The following CFAP58 variants were observed in gnomAD, a reference collection of about 807,000 sequenced individuals.
The protein encoded by CFAP58 is cilia and flagella associated protein 58, also known as cilia- and flagella-associated protein 58.
A neutral mutation model predicts 119.5 loss-of-function variants in CFAP58; 88 were observed. That is an observed-to-expected ratio of 0.74 (90% CI 0.62 to 0.88). CFAP58 has a LOEUF of 0.88. CFAP58 is among the 40% of genes least tolerant of loss of function. The pLI is 0.00. For missense variants in CFAP58, 990 were observed against 1,021.2 expected, an observed-to-expected ratio of 0.97 and a Z score of 0.42; for synonymous variants, 365 against 366.3, an observed-to-expected ratio of 1.00 and a Z score of 0.04.
chr10:104,377,003 AT>A, intron 8 of CFAP58, 110 bp downstream of exon 8: 1 of 743,410 alleles, frequency 1.3e-6, no homozygotes, highest in Non-Finnish European at 2.2e-6. Flanking sequence ...ACAAAAGTGG[AT>A]TAGAATAAAT....
chr10:104,437,710 T>G (rs2012957326), intron 15 of CFAP58, among the ~76,000 whole-genome samples: 2 of 152,164 alleles, frequency 1.3e-5, no homozygotes, highest in African/African-American at 4.8e-5. Flanking sequence ...CAAAAAAGAA[T>G]GTTTTAAATA....
At chr10:104,373,691 A>G (rs987331911) in intron 7 of CFAP58, among the ~76,000 whole-genome samples, 1 of 152,298 alleles carries the variant, frequency 6.6e-6, no homozygotes, top group Non-Finnish European at 1.5e-5. Context: ...TCAAAAATTG[A>G]TTCTAGAGTT....
chr10:104,387,196 G>A (rs930387962), intron 9 of CFAP58, among the ~76,000 whole-genome samples: 3 of 152,128 alleles, frequency 2.0e-5, no homozygotes, highest in South Asian at 2.1e-4. Context: ...CAACATCTCC[G>A]TGGGATACAA....
intron 1 of CFAP58, among the ~76,000 whole-genome samples, chr10:104,357,938 T>TATATGTACACATATGTAC (rs2014596628): frequency 8.4e-6 from 1 of 119,252 alleles, no homozygotes; most frequent in Admixed American, 7.5e-5. Flanking sequence ...TATACACACA[T>TATATGTACACATATGTAC]ATATGTACAC....
In CFAP58 at chr10:104,454,464, CA is replaced by C. The variant is rs1442408158; in HGVS notation, c.2556del (p.Lys852AsnfsTer19). 1 of 1,613,794 alleles carries C rather than the reference CA, an allele frequency of 6.2e-7. No individual in the cohort carries two copies. Among genetic ancestry groups the C allele is most frequent in the Non-Finnish European group, 8.5e-7 (1 of 1,179,864 alleles). On this transcript the variant is annotated frameshift_variant, in exon 18 of 18. Coordinates refer to ENST00000369704, the MANE Select transcript of CFAP58 (RefSeq NM_001008723.2). LOFTEE classifies it high-confidence loss of function. The stretch of plus-strand genomic sequence containing the variant: ...CCATGGATAACACCTTCTTAATGGT[CA>C]AACCAAATGGTCCTGGTTTTACTGG... Reference protein sequence around the residue: ...APMDNTFLMVKPNGPGFTGGG... With the variant: ...APMDNTFLMVXPNGPGFTGGG...
chr10:104,442,676 A>G (rs1157784542), intron 15 of CFAP58, among the ~76,000 whole-genome samples: 1 of 152,168 alleles, frequency 6.6e-6, no homozygotes, highest in Non-Finnish European at 1.5e-5. Context: ...TTTCAGAGCC[A>G]ATTAATTTGA....
intron 14 of CFAP58, among the ~76,000 whole-genome samples, chr10:104,404,679 G>A (rs1478951175): frequency 4.6e-5 from 7 of 151,712 alleles, no homozygotes; most frequent in Admixed American, 3.9e-4. Context: ...GCGTGATCTC[G>A]GCTCACTGCA....
At chr10:104,438,462 G>T (rs1438045936) in intron 15 of CFAP58, among the ~76,000 whole-genome samples, 3 of 142,344 alleles carry the variant, frequency 2.1e-5, no homozygotes, top group African/African-American at 7.8e-5. Context: ...TGCCAGCTCC[G>T]CTTCCCGGGT....
chr10:104,345,359 C>T, the CFAP58 span, among the ~76,000 whole-genome samples: 1 of 151,910 alleles, frequency 6.6e-6, no homozygotes, highest in Admixed American at 6.6e-5. Flanking sequence ...TATTGTAATC[C>T]TTACTACCTG....
At position 104,399,175 on chromosome 10, in the gene CFAP58, A is replaced by AGTGTGTGT. The variant is rs35611566; in HGVS notation, c.1675-166_1675-159dup. On this transcript the variant is annotated intron_variant, in intron 11 of 17. Coordinates refer to ENST00000369704, the MANE Select transcript of CFAP58 (RefSeq NM_001008723.2). ...TAATGTGCATTGCTATTTCTTTATG[A>AGTGTGTGT]GTGTGTGTGTGTGTGTGTGTGTGTG... 4.3e-3 allele frequency among the ~76,000 whole-genome samples: 635 copies of AGTGTGTGT among 149,098 alleles called. 3 individuals carry two copies. Among genetic ancestry groups the AGTGTGTGT allele is most frequent in the East Asian group, 0.033 (170 of 5,088 alleles).
chr10:104,421,209 A>C (rs554740818), intron 15 of CFAP58, among the ~76,000 whole-genome samples: 2 of 152,332 alleles, frequency 1.3e-5, no homozygotes, highest in African/African-American at 4.8e-5. Context: ...AGCACTCATC[A>C]TGTAGAAGCA....
At position 104,454,532 on chromosome 10, in the gene CFAP58, C is replaced by T. The variant is rs2013250239; in HGVS notation, c.*2C>T. 1 of 1,604,914 alleles carries T rather than the reference C, an allele frequency of 6.2e-7. No homozygotes were observed. Among genetic ancestry groups the T allele is most frequent in the East Asian group, 2.2e-5 (1 of 44,826 alleles). ...AGGTCAACCAAAATGACGTTCTAAC[C>T]TGAAGCTGCTGGCTGTTTCCAGTTG... On this transcript the variant is annotated 3_prime_UTR_variant, in exon 18 of 18. Coordinates refer to ENST00000369704, the MANE Select transcript of CFAP58 (RefSeq NM_001008723.2).
At chr10:104,359,328 C>G (rs993739347) in intron 2 of CFAP58, among the ~76,000 whole-genome samples, 1 of 152,126 alleles carries the variant, frequency 6.6e-6, no homozygotes, top group Non-Finnish European at 1.5e-5. Flanking sequence ...AGATACCATC[C>G]AGTTCAAATG....
At chr10:104,373,770 A>G (rs1304617562) in intron 7 of CFAP58, among the ~76,000 whole-genome samples, 1 of 152,172 alleles carries the variant, frequency 6.6e-6, no homozygotes, top group Non-Finnish European at 1.5e-5. Context: ...TAGAAAATAG[A>G]AATGAAATCT....
intron 15 of CFAP58, among the ~76,000 whole-genome samples, chr10:104,418,742 T>C (rs1012850508): frequency 1.3e-5 from 2 of 152,148 alleles, no homozygotes; most frequent in African/African-American, 4.8e-5. Context: ...GGCAGAATTC[T>C]AATAGCATGG....
intron 1 of CFAP58, among the ~76,000 whole-genome samples, chr10:104,355,014 C>T (rs1227574272): frequency 6.6e-6 from 1 of 152,100 alleles, no homozygotes. Flanking sequence ...TTCCCGTGGT[C>T]AACACCTCCT....
At chr10:104,432,666 CTA>C (rs1444064256) in intron 15 of CFAP58, among the ~76,000 whole-genome samples, 1 of 152,154 alleles carries the variant, frequency 6.6e-6, no homozygotes, top group Non-Finnish European at 1.5e-5. Flanking sequence ...CCATGCCTAG[CTA>C]ATTTTTGTAT....
At chr10:104,381,817 A>G (rs1313501589) in intron 9 of CFAP58, among the ~76,000 whole-genome samples, 1 of 152,212 alleles carries the variant, frequency 6.6e-6, no homozygotes, top group Non-Finnish European at 1.5e-5. Flanking sequence ...CTAACTCTGC[A>G]GGACAGTGAT....
intron 15 of CFAP58, among the ~76,000 whole-genome samples, chr10:104,422,549 A>C (rs556848629): frequency 5.3e-5 from 8 of 152,300 alleles, no homozygotes; most frequent in Admixed American, 2.0e-4. Context: ...CTGGGCTGAC[A>C]TGTGCTTTTT....
Sources: gnomAD v4.1 joint callset for allele counts (sites outside exome capture counted in the v4.1 genomes callset) on GRCh38, gnomAD v4.1.1 for gene constraint, MANE v1.5 for transcripts, NCBI Gene and HGNC (gene_info 2026-07-23, HGNC 2026-07-21) for gene names.